Variants in ADAM10 observed in about 807,000 individuals in gnomAD.
ADAM10 encodes the protein disintegrin and metalloproteinase domain-containing protein 10.
ADAM10 carries 17 observed loss-of-function variants against 90.1 expected under a neutral mutation model. The observed-to-expected ratio is 0.19, with a 90% CI of 0.13 to 0.28. The LOEUF (loss-of-function observed/expected upper bound fraction) is 0.28, where lower values mean the gene tolerates loss of function less well. Among genes scored for constraint, ADAM10 ranks in the 10% least tolerant of loss-of-function variants. ADAM10 has a pLI of 1.00. For synonymous variants in ADAM10, 310 were observed against 298.6 expected, an observed-to-expected ratio of 1.04 and a Z score of -0.40; for missense variants, 610 against 914.3, an observed-to-expected ratio of 0.67 and a Z score of 4.29.
intron 1 of ADAM10, among the ~76,000 whole-genome samples, chr15:58,735,285 C>T (rs1899392934): frequency 1.3e-5 from 2 of 152,176 alleles, no homozygotes; most frequent in South Asian, 4.1e-4. Context: ...TAGACTCTCC[C>T]AGTCCAGGTT....
intron 8 of ADAM10, 21 bp downstream of exon 8, chr15:58,640,756 A>C: frequency 6.2e-7 from 1 of 1,610,256 alleles, no homozygotes; most frequent in Non-Finnish European, 8.5e-7. Context: ...AAGTTAAGAC[A>C]TATTTAATAT....
intron 1 of ADAM10, among the ~76,000 whole-genome samples, chr15:58,745,519 T>G (rs980946904): frequency 6.6e-5 from 10 of 152,184 alleles, no homozygotes; most frequent in African/African-American, 1.2e-4. Context: ...GAAAACGGGT[T>G]TTTTTAAAAA....
chr15:58,634,342 G>C (rs1896190081), intron 8 of ADAM10, among the ~76,000 whole-genome samples: 1 of 150,708 alleles, frequency 6.6e-6, no homozygotes. Flanking sequence ...TACTATTCTT[G>C]CAACCTTTCC....
chr15:58,656,775 T>G (rs180803914), intron 5 of ADAM10, among the ~76,000 whole-genome samples: 1 of 152,330 alleles, frequency 6.6e-6, no homozygotes, highest in African/African-American at 2.4e-5. Context: ...GTGTACTTAT[T>G]ATTACCAATG....
intron 5 of ADAM10, among the ~76,000 whole-genome samples, chr15:58,648,268 TCCCCAAAGCCTA>T (rs1896604132): frequency 6.6e-6 from 1 of 152,138 alleles, no homozygotes; most frequent in African/African-American, 2.4e-5. Context: ...GGGGGAACTG[TCCCCAAAGCCTA>T]CCTTGAATAC....
chr15:58,676,026 A>C (rs1447466345), intron 4 of ADAM10: 1 of 192,708 alleles, frequency 5.2e-6, no homozygotes, highest in Non-Finnish European at 1.1e-5. Flanking sequence ...ATAATAATAC[A>C]CATTAAAGGG....
intron 5 of ADAM10, among the ~76,000 whole-genome samples, chr15:58,659,983 C>T (rs1351818687): frequency 1.4e-4 from 21 of 152,156 alleles, no homozygotes; most frequent in Non-Finnish European, 3.1e-4. Context: ...CTGCCTCGGC[C>T]TCCCAAAGTG....
chr15:58,680,081 C>A (rs1190242434), intron 3 of ADAM10, among the ~76,000 whole-genome samples: 2 of 151,986 alleles, frequency 1.3e-5, no homozygotes, highest in Non-Finnish European at 2.9e-5. Flanking sequence ...ATGGGCCAGG[C>A]CTTTTGGCTT....
At chr15:58,623,846 G>C (rs566849223) in intron 10 of ADAM10, among the ~76,000 whole-genome samples, 301 of 152,214 alleles carry the variant, frequency 2.0e-3, no homozygotes, top group African/African-American at 6.8e-3. Flanking sequence ...AGCGCATTAG[G>C]ACAAACAGCT....
At chr15:58,675,937 A>C (rs1417459051) in intron 4 of ADAM10, among the ~76,000 whole-genome samples, 1 of 152,228 alleles carries the variant, frequency 6.6e-6, no homozygotes, top group Non-Finnish European at 1.5e-5. Flanking sequence ...AATCCAATTA[A>C]GAACATTCAC....
At chr15:58,601,860 G>A (rs751117278) in intron 14 of ADAM10, among the ~76,000 whole-genome samples, 3 of 152,208 alleles carry the variant, frequency 2.0e-5, no homozygotes, top group Non-Finnish European at 4.4e-5. Context: ...TTCCTCTGGT[G>A]TTTCTTTGTG....
intron 14 of ADAM10, among the ~76,000 whole-genome samples, chr15:58,604,843 G>A (rs1356730532): frequency 1.3e-5 from 2 of 152,130 alleles, no homozygotes; most frequent in African/African-American, 4.8e-5. Flanking sequence ...GCCCTCCTGG[G>A]CTGTGGTGAT....
rs995089147 is a variant in ADAM10 at position 58,698,957 on chromosome 15, T to C, written c.207-16643A>G. On this transcript the variant is annotated intron_variant, in intron 2 of 15. Transcript: ENST00000260408. Reference sequence around the variant, plus strand: ...TATAGGAACCTCAGAGACCTTCAAATAGATACAACTCGAAAAGGTCTCTGC... The same window carrying C: ...TATAGGAACCTCAGAGACCTTCAAACAGATACAACTCGAAAAGGTCTCTGC... 1.2e-4 allele frequency among the ~76,000 whole-genome samples: 18 copies of C among 152,280 alleles called. No homozygotes were observed. In the South Asian group the frequency reaches 1.7e-3, roughly 14 times the overall value.
intron 1 of ADAM10, among the ~76,000 whole-genome samples, chr15:58,728,442 T>C (rs1899114389): frequency 6.6e-6 from 1 of 152,172 alleles, no homozygotes; most frequent in South Asian, 2.1e-4. Flanking sequence ...ACTAGATTTT[T>C]TTTTAAATAA....
chr15:58,725,946 A>G (rs1451578280), intron 1 of ADAM10, among the ~76,000 whole-genome samples: 1 of 152,236 alleles, frequency 6.6e-6, no homozygotes, highest in Non-Finnish European at 1.5e-5. Context: ...GATAGAAGGA[A>G]TAATACCAGA....
intron 1 of ADAM10, among the ~76,000 whole-genome samples, chr15:58,736,082 T>TG (rs1238725080): frequency 2.6e-5 from 4 of 152,208 alleles, no homozygotes; most frequent in Non-Finnish European, 4.4e-5. Context: ...TTCTATTTGA[T>TG]GGATGATTAA....
intron 5 of ADAM10, among the ~76,000 whole-genome samples, chr15:58,662,184 T>C (rs1018283045): frequency 3.9e-5 from 6 of 152,214 alleles, no homozygotes; most frequent in East Asian, 1.9e-4. Flanking sequence ...ACAAATATTA[T>C]TGAGCTTTTC....
rs550445820 is a variant in ADAM10, at chr15:58,664,943, T to C, written c.585+154A>G. ...AAACCTCAGTCCTATCTCTTTATTA[T>C]TGGCACGTTACCTGGCCTCTTTGAG... is the stretch of plus-strand genomic sequence containing the variant. On this transcript the variant is annotated intron_variant, in intron 5 of 15. Transcript: ENST00000260408. Among the ~76,000 whole-genome samples, 20 of 152,308 alleles carry C rather than the reference T, an allele frequency of 1.3e-4. No individual in the cohort carries two copies. The South Asian group carries it at 2.3e-3, about 17-fold the overall frequency.
chr15:58,713,200 CAA>C (rs780169356), intron 2 of ADAM10, among the ~76,000 whole-genome samples: 2 of 152,264 alleles, frequency 1.3e-5, no homozygotes, highest in South Asian at 2.1e-4. Flanking sequence ...TTCCTAGACT[CAA>C]GTGATCCTCC....
Sources: gnomAD v4.1 joint callset for allele counts (sites outside exome capture counted in the v4.1 genomes callset) on GRCh38, gnomAD v4.1.1 for gene constraint, MANE v1.5 for transcripts, NCBI Gene and HGNC (gene_info 2026-07-23, HGNC 2026-07-21) for gene names.